Variants in USH2A observed in about 807,000 individuals in gnomAD.
USH2A encodes the protein usherin, also known as Usher syndrome 2A (autosomal recessive, mild).
USH2A carries 443 observed loss-of-function variants against 538.9 expected under a neutral mutation model. That is an observed-to-expected ratio of 0.82 (90% CI 0.76 to 0.89). The LOEUF (loss-of-function observed/expected upper bound fraction) is 0.89, where lower values mean the gene tolerates loss of function less well. Among genes scored for constraint, USH2A ranks in the 40% least tolerant of loss-of-function variants. The pLI is 0.00. For missense variants in USH2A, 6,633 were observed against 6,324.8 expected (o/e 1.05, Z -1.65); for synonymous variants, 2,413 against 2,273.5 (o/e 1.06, Z -1.75).
intron 3 of USH2A, among the ~76,000 whole-genome samples, chr1:216,370,870 G>C (rs906276992): frequency 6.6e-6 from 1 of 151,950 alleles, no homozygotes; most frequent in Non-Finnish European, 1.5e-5. Context: ...TTCAGGATTG[G>C]TGTCACCACC....
intron 37 of USH2A, among the ~76,000 whole-genome samples, chr1:215,961,657 C>T (rs1166323515): frequency 6.6e-6 from 1 of 151,522 alleles, no homozygotes; most frequent in Non-Finnish European, 1.5e-5. Flanking sequence ...CATTAAGATA[C>T]CTTGATAATG....
intron 46 of USH2A, among the ~76,000 whole-genome samples, chr1:215,841,513 T>C (rs550454475): frequency 6.6e-6 from 1 of 152,170 alleles, no homozygotes; most frequent in African/African-American, 2.4e-5. Flanking sequence ...TGAAACTGGA[T>C]CCCTTCCTTA....
At chr1:216,041,315 A>T (rs1213845045) in intron 32 of USH2A, among the ~76,000 whole-genome samples, 1 of 152,080 alleles carries the variant, frequency 6.6e-6, no homozygotes, top group East Asian at 1.9e-4. Flanking sequence ...TATGCATTTT[A>T]AAATAAATTT....
chr1:215,646,350 T>C lies in USH2A; in HGVS notation c.14791+1172A>G, dbSNP rs140990204. 1.2e-3 allele frequency among the ~76,000 whole-genome samples: 174 copies of C among 142,968 alleles called. 1 individual carries two copies. The highest frequency in any genetic ancestry group is 4.2e-3 in the African/African-American group (170 of 40,882). The allele number at this position is 142,968 out of a possible 152,430, so 93.8% of individuals were successfully genotyped here. On this transcript the variant is annotated intron_variant, in intron 67 of 71. Coordinates refer to ENST00000307340, the MANE Select transcript of USH2A (RefSeq NM_206933.4). Reference sequence around the variant, plus strand: ...ACTCCATAAATTATGCAGTTGGTTCTGATAAGCACTTATTATTCTTAATAC... The same window carrying C: ...ACTCCATAAATTATGCAGTTGGTTCCGATAAGCACTTATTATTCTTAATAC...
intron 27 of USH2A, 127 bp from the exon 28 acceptor site, chr1:216,073,427 G>T (rs17026024): frequency 1.3e-5 from 13 of 1,002,898 alleles, no homozygotes; most frequent in Non-Finnish European, 1.8e-5. Context: ...AGACTTTCGA[G>T]TCTTCCTTGG....
chr1:216,036,206 C>A (rs571576231), intron 32 of USH2A, among the ~76,000 whole-genome samples: 35 of 152,142 alleles, frequency 2.3e-4, no homozygotes, highest in Admixed American at 1.1e-3. Context: ...TAAGTGTAGT[C>A]AGGTTCCCGA....
intron 8 of USH2A, among the ~76,000 whole-genome samples, chr1:216,322,819 G>T (rs2037644442): frequency 1.3e-5 from 2 of 151,874 alleles, no homozygotes; most frequent in African/African-American, 4.8e-5. Flanking sequence ...TATTCACAAG[G>T]CCTATCATTC....
chr1:215,999,446 T>C (rs1418385388), intron 33 of USH2A, among the ~76,000 whole-genome samples: 1 of 152,162 alleles, frequency 6.6e-6, no homozygotes, highest in Non-Finnish European at 1.5e-5. Flanking sequence ...AGGGTTAATA[T>C]GTAATTAGAG....
At chr1:215,733,175 C>G (rs1187076397) in intron 60 of USH2A, among the ~76,000 whole-genome samples, 1 of 120,906 alleles carries the variant, frequency 8.3e-6, no homozygotes, top group Non-Finnish European at 1.6e-5. Flanking sequence ...GTGCAGAGAG[C>G]AGGAGCAAGA....
intron 9 of USH2A, among the ~76,000 whole-genome samples, chr1:216,307,072 G>T (rs774612571): frequency 2.0e-5 from 3 of 152,140 alleles, no homozygotes; most frequent in Non-Finnish European, 4.4e-5. Flanking sequence ...GAGGATACAA[G>T]CTTGCTCTAG....
chr1:216,374,610 T>C (rs1418207089), intron 3 of USH2A, among the ~76,000 whole-genome samples: 1 of 152,198 alleles, frequency 6.6e-6, no homozygotes, highest in Non-Finnish European at 1.5e-5. Flanking sequence ...ATAAATATCC[T>C]ATTGCTTATT....
At chr1:215,858,692 A>G (rs1664237068) in intron 44 of USH2A, among the ~76,000 whole-genome samples, 2 of 151,794 alleles carry the variant, frequency 1.3e-5, no homozygotes, top group South Asian at 4.2e-4. Context: ...TTTGGATAAG[A>G]GCTTTGCTAT....
chr1:215,898,795 G>A (rs1399755082), intron 40 of USH2A, among the ~76,000 whole-genome samples: 1 of 152,116 alleles, frequency 6.6e-6, no homozygotes, highest in Non-Finnish European at 1.5e-5. Flanking sequence ...CATAAATCTG[G>A]TGATCATGGT....
chr1:216,067,082 C>A (rs1308259966), intron 30 of USH2A, among the ~76,000 whole-genome samples: 1 of 152,112 alleles, frequency 6.6e-6, no homozygotes, highest in Non-Finnish European at 1.5e-5. Context: ...GAGACCCAGA[C>A]AAAGTGTGAT....
intron 4 of USH2A, among the ~76,000 whole-genome samples, chr1:216,355,329 AAGAAAGAAAG>A (rs2038367980): frequency 6.9e-6 from 1 of 144,768 alleles, no homozygotes; most frequent in Non-Finnish European, 1.5e-5. Context: ...GAAAGAAAGA[AAGAAAGAAAG>A]AAAGAAAGAA....
intron 44 of USH2A, among the ~76,000 whole-genome samples, chr1:215,847,589 G>A (rs567396598): frequency 6.6e-6 from 1 of 151,716 alleles, no homozygotes; most frequent in Admixed American, 6.6e-5. Context: ...AGGTTGTGGT[G>A]AGCTGAGATC....
At chr1:216,187,480 A>G (rs2034632304) in intron 20 of USH2A, among the ~76,000 whole-genome samples, 1 of 151,984 alleles carries the variant, frequency 6.6e-6, no homozygotes, top group African/African-American at 2.4e-5. Flanking sequence ...AATGTGCATA[A>G]TAATTCTGAA....
intron 30 of USH2A, among the ~76,000 whole-genome samples, chr1:216,065,148 C>T (rs564348366): frequency 6.6e-6 from 1 of 152,146 alleles, no homozygotes; most frequent in Non-Finnish European, 1.5e-5. Flanking sequence ...GTATGACATG[C>T]CTTTTGAGTA....
chr1:216,298,843 CTT>C (rs10548505), intron 9 of USH2A, among the ~76,000 whole-genome samples: 55,761 of 143,194 alleles, frequency 0.39, 11,514 homozygotes, highest in African/African-American at 0.58. Context: ...TAGGAGAATA[CTT>C]TTTTTTTTTT....
Sources: gnomAD v4.1 joint callset for allele counts (sites outside exome capture counted in the v4.1 genomes callset) on GRCh38, gnomAD v4.1.1 for gene constraint, MANE v1.5 for transcripts, NCBI Gene and HGNC (gene_info 2026-07-23, HGNC 2026-07-21) for gene names.